IGHMBP2: variants seen among roughly 807,000 people sequenced by gnomAD.
IGHMBP2 encodes immunoglobulin mu DNA binding protein 2, also known as DNA-binding protein SMUBP-2.
A neutral mutation model predicts 96.0 loss-of-function variants in IGHMBP2; 81 were observed. The observed-to-expected ratio is 0.84, with a 90% confidence interval of 0.71 to 1.01. IGHMBP2 has a LOEUF of 1.01. Among genes scored for constraint, IGHMBP2 ranks in the 50% least tolerant of loss-of-function variants. The pLI is 0.00. For synonymous variants in IGHMBP2, 557 were observed against 548.9 expected, an observed-to-expected ratio of 1.01 and a Z score of -0.21; for missense variants, 1,227 against 1,306.3, an observed-to-expected ratio of 0.94 and a Z score of 0.94.
At chr11:68,904,082 C>T (rs1421984949) in intron 1 of IGHMBP2, 44 bp downstream of exon 1, 13 of 1,480,250 alleles carry the variant, frequency 8.8e-6, no homozygotes, top group Non-Finnish European at 8.3e-6. Flanking sequence ...TCGGTCCCGC[C>T]GTGTCCCGGG....
intron 7 of IGHMBP2, among the ~76,000 whole-genome samples, chr11:68,918,655 C>A (rs1317363184): frequency 6.6e-6 from 1 of 151,850 alleles, no homozygotes; most frequent in Non-Finnish European, 1.5e-5. Context: ...AAAATAAAAA[C>A]CCCAAAACCA....
chr11:68,930,982 C>T (rs1261246967), intron 8 of IGHMBP2, among the ~76,000 whole-genome samples: 1 of 152,188 alleles, frequency 6.6e-6, no homozygotes, highest in Non-Finnish European at 1.5e-5. Context: ...GAAGGATGTG[C>T]CAATTGGTCC....
chr11:68,917,209 G>C (rs1858707905), intron 6 of IGHMBP2, among the ~76,000 whole-genome samples: 2 of 151,970 alleles, frequency 1.3e-5, no homozygotes, highest in African/African-American at 4.8e-5. Flanking sequence ...GATTTCCTGA[G>C]CTCGTGATCT....
At position 68,911,529 on chromosome 11, in the gene IGHMBP2, C is replaced by T. The variant is rs1858436213; in HGVS notation, c.637C>T (p.His213Tyr). The T allele has an allele frequency of 6.2e-7, 1 of 1,614,072 alleles. No individual in the cohort carries two copies. Among genetic ancestry groups the T allele is most frequent in the Non-Finnish European group, 8.5e-7 (1 of 1,179,914 alleles). The change falls in exon 5 of 15, where the codon CAT becomes TAT. Residue 213 changes from histidine (H) to tyrosine (Y), a missense_variant. His to Tyr is a moderately conservative substitution (Grantham distance 83). Around this residue, in one of 3 missense-constraint regions of IGHMBP2, gnomAD observed 507 missense variants for 496.9 expected, o/e 1.02. Coordinates refer to ENST00000255078, the MANE Select transcript of IGHMBP2 (RefSeq NM_002180.3). Reference sequence around the variant, plus strand: ...GTCTCAGAAAGAACTTGCCATCATCCATGGACCTCCTGGCACTGGGAAAAC... The same window carrying T: ...GTCTCAGAAAGAACTTGCCATCATCTATGGACCTCCTGGCACTGGGAAAAC... ...ALSQKELAIIHGPPGTGKTTT... is the reference protein window; with the variant it reads ...ALSQKELAIIYGPPGTGKTTT...
intron 4 of IGHMBP2, among the ~76,000 whole-genome samples, chr11:68,909,190 G>C (rs1439568848): frequency 3.4e-5 from 4 of 117,930 alleles, no homozygotes; most frequent in African/African-American, 9.0e-5. Flanking sequence ...GGGGGTGGAG[G>C]GGGGGGGCGG....
intron 8 of IGHMBP2, among the ~76,000 whole-genome samples, chr11:68,932,037 G>A (rs1360699039): frequency 1.3e-5 from 2 of 149,554 alleles, no homozygotes; most frequent in African/African-American, 5.0e-5. Flanking sequence ...AAAACATTGG[G>A]TGGCATTCCC....
intron 8 of IGHMBP2, among the ~76,000 whole-genome samples, chr11:68,931,194 G>A (rs1242751581): frequency 6.6e-6 from 1 of 152,202 alleles, no homozygotes; most frequent in Non-Finnish European, 1.5e-5. Flanking sequence ...TGGGTGCTGG[G>A]AGCTGAGAGA....
chr11:68,909,687 G>T (rs1362061235), intron 4 of IGHMBP2, among the ~76,000 whole-genome samples: 1 of 150,162 alleles, frequency 6.7e-6, no homozygotes, highest in Non-Finnish European at 1.5e-5. Context: ...GGGTGCAGTG[G>T]TGCGACCTCG....
rs990109629 is a variant in IGHMBP2 at position 68,927,966 on chromosome 11, C to T, written c.1061-1217C>T. On this transcript the variant is annotated intron_variant, in intron 7 of 14. Coordinates refer to ENST00000255078, the MANE Select transcript of IGHMBP2 (RefSeq NM_002180.3). Reference sequence around the variant, plus strand: ...CAGTGCCACCGAGCTCCCGTGCTGACGGGGATTCAGATGCTTTTCTGGAAT... The same window carrying T: ...CAGTGCCACCGAGCTCCCGTGCTGATGGGGATTCAGATGCTTTTCTGGAAT... Among the ~76,000 whole-genome samples, 27 of 152,194 alleles carry T rather than the reference C, an allele frequency of 1.8e-4. 1 individual carries two copies. The highest frequency in any genetic ancestry group is 2.9e-4 in the African/African-American group (12 of 41,444).
At chr11:68,911,080 G>A (rs1178018535) in intron 4 of IGHMBP2, among the ~76,000 whole-genome samples, 1 of 152,076 alleles carries the variant, frequency 6.6e-6, no homozygotes, top group African/African-American at 2.4e-5. Context: ...TCTAGAGCAG[G>A]GGTTTTTCCT....
Position 68,914,985 on chromosome 11 carries a change from A to C in IGHMBP2, c.874A>C (p.Ile292Leu), listed in dbSNP as rs772375614. ...TTTAGCGCGGAGCGACAGTGCCCAG[A>C]TTGTTGCAGATATCAGGAAGGACAT... ...AVLARSDSAQ[I>L]VADIRKDIDQ... Residue 292 changes from isoleucine to leucine, a missense_variant, in exon 6 of 15, where the codon ATT becomes CTT. By Grantham distance (5) the Ile-to-Leu change is conservative. Coordinates refer to ENST00000255078, the MANE Select transcript of IGHMBP2 (RefSeq NM_002180.3). 3 of 1,613,938 alleles carry C rather than the reference A, an allele frequency of 1.9e-6. No homozygotes were observed. In the African/African-American group the frequency reaches 4.0e-5, roughly 22 times the overall value.
At chr11:68,924,743 C>T (rs1859001019) in intron 7 of IGHMBP2, among the ~76,000 whole-genome samples, 1 of 152,212 alleles carries the variant, frequency 6.6e-6, no homozygotes, top group Non-Finnish European at 1.5e-5. Context: ...TCACCTTTCC[C>T]CTGTTCTGTG....
chr11:68,908,314 T>A lies in IGHMBP2; in HGVS notation c.426T>A (p.Asp142Glu), dbSNP rs753728312. 27 of 1,614,000 alleles carry A rather than the reference T, an allele frequency of 1.7e-5. No individual in the cohort carries two copies. Among genetic ancestry groups the A allele is most frequent in the Non-Finnish European group, 1.0e-5 (12 of 1,180,014 alleles). Residue 142 changes from aspartate to glutamate, a missense_variant, in exon 3 of 15, where the codon GAT becomes GAA. This residue lies in a region of IGHMBP2 where 507 missense variants were observed against 496.9 expected (regional missense o/e 1.02). Coordinates refer to ENST00000255078, the MANE Select transcript of IGHMBP2 (RefSeq NM_002180.3). ...NSYRLLKLAN[D>E]VTYRRLKKAL... ...ACAGACTGTTAAAACTTGCCAATGA[T>A]GTCACTTACAGGCGACTGAAAAAGT...
intron 4 of IGHMBP2, among the ~76,000 whole-genome samples, chr11:68,910,180 G>T (rs1283540131): frequency 6.6e-6 from 1 of 152,202 alleles, no homozygotes; most frequent in East Asian, 1.9e-4. Context: ...CACTCTTTCA[G>T]CATGCAGTCC....
intron 5 of IGHMBP2, 32 bp downstream of exon 5, chr11:68,911,635 C>A: frequency 6.2e-7 from 1 of 1,607,612 alleles, no homozygotes; most frequent in Non-Finnish European, 8.5e-7. Flanking sequence ...CCTGTCAGAG[C>A]CCGTCCGCTC....
In IGHMBP2 at chr11:68,936,365, T is replaced by C. The variant is rs1186941835; in HGVS notation, c.1885T>C (p.Tyr629His). ...TGCATTTTTGAAGACCCTGGTGGAGTATTTCACACAGCATGGGGAAGTACG... is the reference window on the plus strand; with the variant it reads ...TGCATTTTTGAAGACCCTGGTGGAGCATTTCACACAGCATGGGGAAGTACG... The part of the protein sequence containing the change: ...NHAFLKTLVE[Y>H]FTQHGEVRTA... The change falls in exon 13 of 15, where the codon TAT becomes CAT. Residue 629 changes from tyrosine to histidine, a missense_variant. Physicochemically the swap from Tyr to His is moderately conservative, Grantham distance 83. Transcript: ENST00000255078. The C allele has an allele frequency of 1.2e-6, 2 of 1,613,752 alleles. No individual in the cohort carries two copies. The highest frequency in any genetic ancestry group is 2.2e-5 in the South Asian group (2 of 91,070).
At chr11:68,915,171 T>C in intron 6 of IGHMBP2, 148 bp downstream of exon 6, 2 of 217,034 alleles carry the variant, frequency 9.2e-6, no homozygotes, top group African/African-American at 6.1e-5. Flanking sequence ...CTGCCCTTTT[T>C]TTTTTTTTTT....
At chr11:68,933,545 G>A in intron 9 of IGHMBP2, 64 bp downstream of exon 9, 2 of 1,521,306 alleles carry the variant, frequency 1.3e-6, no homozygotes, top group Non-Finnish European at 1.8e-6. Context: ...TGCGTCACCT[G>A]TTTCTACGCA....
chr11:68,917,617 T>C (rs968250563), intron 6 of IGHMBP2, 119 bp from the exon 7 acceptor site: 2 of 828,408 alleles, frequency 2.4e-6, no homozygotes, highest in Non-Finnish European at 4.1e-6. Flanking sequence ...GGAAGATTTC[T>C]GAGTGTTTTT....
Sources: allele counts gnomAD v4.1 joint callset (sites outside exome capture counted in the v4.1 genomes callset), GRCh38; gene constraint gnomAD v4.1.1; regional missense constraint gnomAD v4.1.1; transcripts MANE v1.5; gene names NCBI Gene and HGNC (gene_info 2026-07-23, HGNC 2026-07-21).